TLL2: variants seen among roughly 807,000 people sequenced by gnomAD.
The protein encoded by TLL2 is tolloid like 2, also known as tolloid-like protein 2.
In TLL2, 106 loss-of-function variants were observed where a neutral mutation model predicts 123.0. The observed-to-expected ratio is 0.86, with a 90% CI of 0.74 to 1.01. TLL2 has a LOEUF of 1.01. TLL2 is among the 50% of genes least tolerant of loss of function. TLL2 has a pLI of 0.00. For synonymous variants in TLL2, 494 were observed against 516.8 expected, an observed-to-expected ratio of 0.96 and a Z score of 0.60; for missense variants, 1,332 against 1,336.7, an observed-to-expected ratio of 1.00 and a Z score of 0.06.
chr10:96,422,402 G>T, intron 6 of TLL2, 147 bp downstream of exon 6: 1 of 957,868 alleles, frequency 1.0e-6, no homozygotes, highest in Non-Finnish European at 1.6e-6. Flanking sequence ...AGACTGGTGA[G>T]ACGGGCCTGT....
intron 1 of TLL2, among the ~76,000 whole-genome samples, chr10:96,485,053 C>A (rs1272979438): frequency 6.6e-6 from 1 of 152,152 alleles, no homozygotes; most frequent in African/African-American, 2.4e-5. Flanking sequence ...TAGCCACAAG[C>A]CACCAGAGGC....
chr10:96,451,966 GCTTTA>G (rs1846964758), intron 2 of TLL2, among the ~76,000 whole-genome samples: 1 of 152,138 alleles, frequency 6.6e-6, no homozygotes. Flanking sequence ...AAACTGCAGT[GCTTTA>G]CTTTAAGAAA....
At chr10:96,381,416 C>A (rs1321042151) in intron 16 of TLL2, among the ~76,000 whole-genome samples, 1 of 152,224 alleles carries the variant, frequency 6.6e-6, no homozygotes, top group Non-Finnish European at 1.5e-5. Context: ...GGCTTCCCAG[C>A]ATGGGTCAGG....
At chr10:96,459,437 G>C (rs941254565) in intron 2 of TLL2, among the ~76,000 whole-genome samples, 2 of 151,560 alleles carry the variant, frequency 1.3e-5, no homozygotes, top group African/African-American at 4.8e-5. Flanking sequence ...CCAGAACTTT[G>C]GGAGGTTGAG....
Position 96,368,317 on chromosome 10 carries a change from A to C in TLL2, c.2914-95T>G, listed in dbSNP as rs530005006. 1.2e-5 allele frequency: 17 copies of C among 1,434,304 alleles called. No homozygotes were observed. The East Asian group carries it at 3.2e-4, about 27-fold the overall frequency. 88.8% of individuals were successfully genotyped at this position (1,434,304 alleles called of 1,614,324 possible). On this transcript the variant is annotated intron_variant, in intron 20 of 20. Coordinates refer to ENST00000357947, the MANE Select transcript of TLL2 (RefSeq NM_012465.4). Reference sequence around the variant, plus strand: ...ACAGGATCTTATGCAAGGACACAGGATGTGTCTCTGGTACCAGAGACTCTG... The same window carrying C: ...ACAGGATCTTATGCAAGGACACAGGCTGTGTCTCTGGTACCAGAGACTCTG...
intron 10 of TLL2, among the ~76,000 whole-genome samples, chr10:96,401,813 A>C (rs764820447): frequency 3.9e-5 from 6 of 152,206 alleles, no homozygotes; most frequent in Non-Finnish European, 8.8e-5. Context: ...TAAGCCTTTA[A>C]ATCTATCCCA....
intron 1 of TLL2, among the ~76,000 whole-genome samples, chr10:96,500,607 A>C (rs1286271436): frequency 1.3e-5 from 2 of 152,218 alleles, no homozygotes; most frequent in African/African-American, 4.8e-5. Context: ...CAGCCTAGGC[A>C]AAATGGCGAA....
At chr10:96,508,342 G>A (rs770486444) in intron 1 of TLL2, among the ~76,000 whole-genome samples, 1 of 152,182 alleles carries the variant, frequency 6.6e-6, no homozygotes, top group Non-Finnish European at 1.5e-5. Flanking sequence ...CTCTTGGTGA[G>A]CCCCAAAATG....
At chr10:96,512,103 G>A (rs1204461017) in intron 1 of TLL2, among the ~76,000 whole-genome samples, 1 of 152,130 alleles carries the variant, frequency 6.6e-6, no homozygotes, top group Non-Finnish European at 1.5e-5. Flanking sequence ...GCAGTAGGTA[G>A]ATATTCTGCA....
chr10:96,439,116 T>A (rs1332832404), intron 3 of TLL2, among the ~76,000 whole-genome samples: 1 of 1,326 alleles, frequency 7.5e-4, no homozygotes, highest in African/African-American at 3.3e-3. Context: ...GTCTCTTTTT[T>A]TTGAGACGGA....
chr10:96,455,436 G>T (rs1375133711), intron 2 of TLL2, among the ~76,000 whole-genome samples: 1 of 152,080 alleles, frequency 6.6e-6, no homozygotes, highest in East Asian at 1.9e-4. Context: ...GAGGCCTACT[G>T]GGCTGCATTC....
intron 7 of TLL2, among the ~76,000 whole-genome samples, chr10:96,416,914 G>A (rs935539086): frequency 3.3e-5 from 5 of 152,210 alleles, no homozygotes; most frequent in African/African-American, 1.2e-4. Flanking sequence ...CTGAAACAAA[G>A]AGGCCCCTGT....
Position 96,370,048 on chromosome 10 carries a change from G to T in TLL2, c.2913+17C>A. The T allele has an allele frequency of 1.3e-6, 2 of 1,553,864 alleles. No individual in the cohort carries two copies. The highest frequency in any genetic ancestry group is 1.7e-6 in the Non-Finnish European group (2 of 1,151,834). On this transcript the variant is annotated intron_variant, in intron 20 of 20. Transcript: ENST00000357947. ...ATCATCACACTCTGCCCCGGCCCCA[G>T]CGTCTCCGGGACTTACCCCAGAGCC...
At chr10:96,475,663 G>A (rs945786783) in intron 2 of TLL2, among the ~76,000 whole-genome samples, 1 of 152,168 alleles carries the variant, frequency 6.6e-6, no homozygotes, top group Non-Finnish European at 1.5e-5. Context: ...GCACTGCAGG[G>A]TTCTGGGCCC....
intron 7 of TLL2, among the ~76,000 whole-genome samples, chr10:96,418,987 C>T (rs1219110934): frequency 6.6e-6 from 1 of 152,030 alleles, no homozygotes; most frequent in Non-Finnish European, 1.5e-5. Flanking sequence ...GATACTTGGT[C>T]TCTAGTAGCA....
At chr10:96,398,339 A>T (rs1203045428) in intron 10 of TLL2, among the ~76,000 whole-genome samples, 1 of 152,178 alleles carries the variant, frequency 6.6e-6, no homozygotes, top group East Asian at 1.9e-4. Flanking sequence ...GGATGAGAAC[A>T]TCCCAGCAAT....
In TLL2 at chr10:96,386,972, G is replaced by C; in HGVS notation, c.1833C>G (p.Ala611=). Residue 611 remains alanine, a synonymous_variant, in exon 14 of 21, where the codon GCC becomes GCG. Coordinates refer to ENST00000357947, the MANE Select transcript of TLL2 (RefSeq NM_012465.4). ...CACDPGYELA[A]DKKMCEVACG... is the part of the protein sequence containing the mutation. ...ACCAACCTTCACACATCTTCTTATC[G>C]GCGGCCAGCTCGTAGCCAGGGTCAC... The C allele has an allele frequency of 6.2e-7, 1 of 1,613,986 alleles. No homozygotes were observed. Among genetic ancestry groups the C allele is most frequent in the Non-Finnish European group, 8.5e-7 (1 of 1,180,008 alleles).
rs1417481911 is a variant in TLL2 at position 96,415,936 on chromosome 10, G to A, written c.924-2620C>T. Among the ~76,000 whole-genome samples the A allele has an allele frequency of 2.0e-5, 3 of 150,866 alleles. No individual in the cohort carries two copies. In the East Asian group the frequency reaches 6.0e-4, roughly 30 times the overall value. On this transcript the variant is annotated intron_variant, in intron 7 of 20. Coordinates refer to ENST00000357947, the MANE Select transcript of TLL2 (RefSeq NM_012465.4). ...CACTTTCCAACCTTAGCCTGTGGGA[G>A]TATAGATCATCTGCTGATTTCCTGT...
intron 8 of TLL2, 66 bp from the exon 9 acceptor site, chr10:96,410,540 A>T: frequency 7.6e-7 from 1 of 1,319,298 alleles, no homozygotes; most frequent in Non-Finnish European, 1.1e-6. Flanking sequence ...CAGCTCCCGC[A>T]CGGGGCAGCG....
Sources: allele counts gnomAD v4.1 joint callset (sites outside exome capture counted in the v4.1 genomes callset), GRCh38; gene constraint gnomAD v4.1.1; transcripts MANE v1.5; gene names NCBI Gene and HGNC (gene_info 2026-07-23, HGNC 2026-07-21).